TANC2: variants seen among roughly 807,000 people sequenced by gnomAD.
TANC2 encodes the protein protein TANC2.
TANC2 carries 26 observed loss-of-function variants against 210.5 expected under a neutral mutation model. That is an observed-to-expected ratio of 0.12 (90% confidence interval 0.09 to 0.17). TANC2 has a LOEUF of 0.17. Among genes scored for constraint, TANC2 ranks in the 10% least tolerant of loss-of-function variants. The probability of loss-of-function intolerance (pLI) is 1.00; values close to 1 mark genes in which losing one functional copy is unlikely to be tolerated. For missense variants in TANC2, 2,129 were observed against 2,608.9 expected (o/e 0.82, Z 4.01); for synonymous variants, 931 against 967.1 (o/e 0.96, Z 0.69).
exon 28 of TANC2, chr17:63,424,830 A>G (rs2049107200): frequency 6.6e-6 from 1 of 152,240 alleles, no homozygotes; most frequent in Non-Finnish European, 1.5e-5. Context: ...GAAAGGAAAG[A>G]CATCAAGCAG....
intron 9 of TANC2, among the ~76,000 whole-genome samples, chr17:63,274,817 T>C (rs1217969001): frequency 6.6e-6 from 1 of 152,066 alleles, no homozygotes; most frequent in Non-Finnish European, 1.5e-5. Context: ...AAAAAATTGT[T>C]TTAATTATTT....
chr17:63,087,993 G>T (rs2037040820), intron 3 of TANC2, among the ~76,000 whole-genome samples: 1 of 152,176 alleles, frequency 6.6e-6, no homozygotes, highest in South Asian at 2.1e-4. Flanking sequence ...TTACATGCCA[G>T]ATGGGAAACT....
At chr17:63,091,607 A>G (rs1454374880) in intron 3 of TANC2, among the ~76,000 whole-genome samples, 1 of 152,200 alleles carries the variant, frequency 6.6e-6, no homozygotes, top group Non-Finnish European at 1.5e-5. Context: ...TGTTTTGGTT[A>G]CTGTAGCCTT....
At chr17:63,366,045 A>G (rs1238532782) in intron 14 of TANC2, among the ~76,000 whole-genome samples, 6 of 151,940 alleles carry the variant, frequency 3.9e-5, no homozygotes, top group Admixed American at 6.6e-5. Flanking sequence ...GAACACAGTA[A>G]GCGCACGGTA....
At chr17:62,989,571 C>T (rs2032748587) in intron 1 of TANC2, among the ~76,000 whole-genome samples, 2 of 152,148 alleles carry the variant, frequency 1.3e-5, no homozygotes, top group South Asian at 2.1e-4. Flanking sequence ...CAAGGGAAGG[C>T]GAATGATGCA....
chr17:63,066,858 G>T (rs2036218257), intron 2 of TANC2, among the ~76,000 whole-genome samples: 1 of 152,014 alleles, frequency 6.6e-6, no homozygotes, highest in Admixed American at 6.5e-5. Flanking sequence ...CAAAAGAGGA[G>T]TCTTAGGGAA....
intron 5 of TANC2, among the ~76,000 whole-genome samples, chr17:63,184,164 G>A (rs1027878806): frequency 7.9e-5 from 12 of 152,044 alleles, no homozygotes; most frequent in African/African-American, 2.9e-4. Flanking sequence ...CTAATATTAT[G>A]TCTTTATAAG....
chr17:63,106,319 T>G (rs1404386303), intron 4 of TANC2, among the ~76,000 whole-genome samples: 1 of 151,712 alleles, frequency 6.6e-6, no homozygotes, highest in African/African-American at 2.4e-5. Context: ...AAGGCTCTAT[T>G]GCAATAGTAT....
At position 63,321,865 on chromosome 17, in the gene TANC2, G is replaced by C. The variant is rs917454441; in HGVS notation, c.1575+2775G>C. ...GGCAGGGCAGGGATGGGAATCTGGG[G>C]ATCTAACTTCTTACATAAACTTCAT... On this transcript the variant is annotated intron_variant, in intron 11 of 27. Transcript: ENST00000689528. Among the ~76,000 whole-genome samples the C allele has an allele frequency of 2.2e-4, 33 of 152,110 alleles. 1 individual carries two copies. Among genetic ancestry groups the C allele is most frequent in the Non-Finnish European group, 1.2e-4 (8 of 68,016 alleles).
chr17:63,380,997 A>G (rs968266564), intron 15 of TANC2, among the ~76,000 whole-genome samples: 1 of 152,252 alleles, frequency 6.6e-6, no homozygotes, highest in Non-Finnish European at 1.5e-5. Flanking sequence ...TAATAATTCC[A>G]TAAACTCTAA....
In TANC2 at chr17:63,420,810, G is replaced by A; in HGVS notation, c.5080G>A (p.Ala1694Thr). Reference sequence around the variant, plus strand: ...AGGGCTCAGGCTACAGCCTGCCAAGGCCCAGATTGTGAGAAGTAACCAGCC... The same window carrying A: ...AGGGCTCAGGCTACAGCCTGCCAAGACCCAGATTGTGAGAAGTAACCAGCC... The change falls in exon 28 of 28, where the codon GCC (alanine) becomes ACC (threonine). Residue 1694 changes from alanine (A) to threonine (T), a missense_variant. Around this residue, in one of 5 missense-constraint regions of TANC2, gnomAD observed 584 missense variants for 627.3 expected, o/e 0.93. Coordinates refer to ENST00000689528, the Ensembl canonical transcript of TANC2. The surrounding 1 kb of genome is among the most constrained non-coding windows in gnomAD (Gnocchi z 4.2). 9 of 1,613,946 alleles carry A rather than the reference G, an allele frequency of 5.6e-6. No individual in the cohort carries two copies. Among genetic ancestry groups the A allele is most frequent in the South Asian group, 1.1e-5 (1 of 91,090 alleles).
At chr17:63,160,380 A>T (rs924179140) in intron 5 of TANC2, among the ~76,000 whole-genome samples, 8 of 152,224 alleles carry the variant, frequency 5.3e-5, no homozygotes, top group African/African-American at 1.9e-4. Flanking sequence ...TCGCTACACA[A>T]AATTAAAAAA....
intron 8 of TANC2, among the ~76,000 whole-genome samples, chr17:63,259,091 C>T (rs1264856776): frequency 6.6e-6 from 1 of 152,164 alleles, no homozygotes; most frequent in Non-Finnish European, 1.5e-5. Context: ...AGGTTCCCTT[C>T]TGGCACGGGG....
intron 4 of TANC2, among the ~76,000 whole-genome samples, chr17:63,127,239 T>A (rs1000220230): frequency 1.3e-5 from 2 of 152,244 alleles, no homozygotes; most frequent in Admixed American, 1.3e-4. Context: ...GAACCATTTT[T>A]GTAGATATAT....
In TANC2 at chr17:63,252,380, TTC is replaced by T. The variant is rs557162488; in HGVS notation, c.1033+14307_1033+14308del. On this transcript the variant is annotated intron_variant, in intron 8 of 27. Coordinates refer to ENST00000689528, the Ensembl canonical transcript of TANC2. The stretch of plus-strand genomic sequence containing the variant: ...ATTTTTGTTGCAAACGTTCCAACTA[TTC>T]TCTTTTAGTTATTTTTAAATGTACA... 2.8e-3 allele frequency among the ~76,000 whole-genome samples: 430 copies of T among 152,276 alleles called. 22 individuals carry two copies. The South Asian group carries it at 0.086, about 31-fold the overall frequency.
chr17:63,184,872 TC>T (rs902038045), intron 5 of TANC2, among the ~76,000 whole-genome samples: 2 of 151,518 alleles, frequency 1.3e-5, no homozygotes, highest in South Asian at 4.2e-4. Flanking sequence ...GGTCAGATGA[TC>T]CCCCCACCTC....
At chr17:63,073,879 G>A in intron 2 of TANC2, 64 bp from the exon 3 acceptor site, 1 of 1,317,548 alleles carries the variant, frequency 7.6e-7, no homozygotes, top group Non-Finnish European at 1.1e-6. Flanking sequence ...TGTAGATAAT[G>A]TCAGAGACAC....
At chr17:63,409,792 G>A (rs1270247233) in intron 21 of TANC2, among the ~76,000 whole-genome samples, 1 of 152,212 alleles carries the variant, frequency 6.6e-6, no homozygotes, top group African/African-American at 2.4e-5. Flanking sequence ...CCATAAAAAG[G>A]AACAGTATTT....
At chr17:63,215,612 A>G (rs1305303236) in intron 7 of TANC2, among the ~76,000 whole-genome samples, 1 of 152,178 alleles carries the variant, frequency 6.6e-6, no homozygotes, top group African/African-American at 2.4e-5. Flanking sequence ...AACACCCTAA[A>G]TGATGGGGTA....
Sources: allele counts gnomAD v4.1 joint callset (sites outside exome capture counted in the v4.1 genomes callset), GRCh38; gene constraint gnomAD v4.1.1; regional missense constraint gnomAD v4.1.1; non-coding constraint Gnocchi (gnomAD v3.1); transcripts MANE v1.5; gene names NCBI Gene and HGNC (gene_info 2026-07-23, HGNC 2026-07-21).